The following LMBR1 variants were observed in gnomAD, a reference collection of about 807,000 sequenced individuals.
The protein encoded by LMBR1 is limb region 1 protein homolog.
A neutral mutation model predicts 73.9 loss-of-function variants in LMBR1; 52 were observed. The ratio of observed to expected loss-of-function variants is 0.70; its 90% CI spans 0.56 to 0.89. The LOEUF (loss-of-function observed/expected upper bound fraction) is 0.89. LMBR1 is among the 40% of genes least tolerant of loss of function. The probability of loss-of-function intolerance (pLI) is 0.00; values close to 1 mark genes in which losing one functional copy is unlikely to be tolerated. For missense variants in LMBR1, 539 were observed against 579.8 expected (o/e 0.93, Z 0.72); for synonymous variants, 215 against 209.4 (o/e 1.03, Z -0.23).
intron 1 of LMBR1, among the ~76,000 whole-genome samples, chr7:156,839,371 T>C (rs1207245423): frequency 1.3e-5 from 2 of 152,094 alleles, no homozygotes; most frequent in Non-Finnish European, 2.9e-5. Context: ...ATCAGGTTAA[T>C]TGTTTAATTT....
chr7:156,743,576 T>C (rs879786626), intron 9 of LMBR1, among the ~76,000 whole-genome samples: 4 of 152,204 alleles, frequency 2.6e-5, no homozygotes, highest in Admixed American at 2.0e-4. Context: ...CATCCTCAAG[T>C]TGACAGGAAG....
In LMBR1 at chr7:156,882,988, G is replaced by A. The variant is rs896848739; in HGVS notation, c.66+9940C>T. Reference sequence around the variant, plus strand: ...GGAGGTTGCAGTGAGCCGAGATCACGCTATTGCACTCTAGCCTGGGCAACA... The same window carrying A: ...GGAGGTTGCAGTGAGCCGAGATCACACTATTGCACTCTAGCCTGGGCAACA... On this transcript the variant is annotated intron_variant, in intron 1 of 16. Transcript: ENST00000353442. Among the ~76,000 whole-genome samples, 6 of 152,040 alleles carry A rather than the reference G, an allele frequency of 3.9e-5. No individual in the cohort carries two copies. In the South Asian group the frequency reaches 6.2e-4, roughly 16 times the overall value.
At chr7:156,745,774 C>T (rs1015952870) in intron 9 of LMBR1, among the ~76,000 whole-genome samples, 3 of 152,238 alleles carry the variant, frequency 2.0e-5, no homozygotes, top group Admixed American at 1.3e-4. Context: ...TCCTTGCTCA[C>T]TTCTGCCCAT....
At position 156,680,376 on chromosome 7, in the gene LMBR1, C is replaced by CAGAGAGAGAGACAGAGAGAGAG. The variant is rs1554456485; in HGVS notation, c.*3701_*3702insCTCTCTCTCTGTCTCTCTCTCT. 1 of 141,164 alleles carries CAGAGAGAGAGACAGAGAGAGAG rather than the reference C, an allele frequency of 7.1e-6. No homozygotes were observed. Among genetic ancestry groups the CAGAGAGAGAGACAGAGAGAGAG allele is most frequent in the African/African-American group, 2.8e-5 (1 of 35,320 alleles). The allele number at this position is 141,164 out of a possible 1,614,324, so 8.7% of individuals were successfully genotyped here. ...TTTTTGCTTATACGTATCTGAGAGA[C>CAGAGAGAGAGACAGAGAGAGAG]AGAGAGAGAGAGAGAGAGAGAGAGA... is the stretch of plus-strand genomic sequence containing the variant. On this transcript the variant is annotated 3_prime_UTR_variant, in exon 17 of 17. Coordinates refer to ENST00000353442, the MANE Select transcript of LMBR1 (RefSeq NM_022458.4).
At chr7:156,852,949 T>A (rs1047297217) in intron 1 of LMBR1, among the ~76,000 whole-genome samples, 1 of 152,056 alleles carries the variant, frequency 6.6e-6, no homozygotes, top group Non-Finnish European at 1.5e-5. Flanking sequence ...ATGCTTTTTT[T>A]TTTTTTTGAG....
downstream of LMBR1, chr7:156,676,243 GTGTATATATATA>G (rs1803978067): frequency 2.0e-6 from 3 of 1,490,890 alleles, no homozygotes; most frequent in East Asian, 2.5e-5. Flanking sequence ...GTATATGTGT[GTGTATATATATA>G]TGTATATATA....
chr7:156,859,248 CAA>C (rs35511512), intron 1 of LMBR1, among the ~76,000 whole-genome samples: 80 of 134,144 alleles, frequency 6.0e-4, no homozygotes, highest in Non-Finnish European at 6.5e-4. Context: ...AACTCCGTCT[CAA>C]AAAAAAAAAA....
intron 10 of LMBR1, 59 bp downstream of exon 10, chr7:156,734,118 A>C: frequency 1.9e-6 from 2 of 1,059,296 alleles, no homozygotes; most frequent in Non-Finnish European, 2.8e-6. Context: ...AGACTACAGT[A>C]AAGTCTTTAA....
chr7:156,765,195 C>T (rs1459402784), intron 5 of LMBR1, among the ~76,000 whole-genome samples: 2 of 152,128 alleles, frequency 1.3e-5, no homozygotes, highest in African/African-American at 4.8e-5. Flanking sequence ...TGCCTGTGTC[C>T]CCACCCAAAT....
At chr7:156,853,947 G>A (rs575631914) in intron 1 of LMBR1, among the ~76,000 whole-genome samples, 1 of 148,234 alleles carries the variant, frequency 6.7e-6, no homozygotes, top group East Asian at 2.0e-4. Flanking sequence ...GTGCCATCGT[G>A]CCTGGCCCAC....
At chr7:156,748,948 A>C (rs10251691) in intron 9 of LMBR1, among the ~76,000 whole-genome samples, 11,826 of 152,286 alleles carry the variant, frequency 0.078, 525 homozygotes, top group East Asian at 0.15. Context: ...ATCTTGCAAA[A>C]AAATAATTTC....
intron 1 of LMBR1, among the ~76,000 whole-genome samples, chr7:156,886,183 T>C (rs968113468): frequency 1.3e-5 from 2 of 152,136 alleles, no homozygotes; most frequent in African/African-American, 2.4e-5. Context: ...AAAAATAATT[T>C]TGTAAAGAGT....
intron 1 of LMBR1, among the ~76,000 whole-genome samples, chr7:156,863,115 T>C (rs968864597): frequency 1.3e-5 from 2 of 152,170 alleles, no homozygotes; most frequent in Non-Finnish European, 2.9e-5. Context: ...GATATATATA[T>C]GTATAGATAG....
At chr7:156,795,251 C>T (rs776241331) in intron 5 of LMBR1, among the ~76,000 whole-genome samples, 57 of 152,180 alleles carry the variant, frequency 3.7e-4, no homozygotes, top group Non-Finnish European at 6.8e-4. Context: ...ATCAAGATAT[C>T]CTTTCCTTTC....
intron 5 of LMBR1, among the ~76,000 whole-genome samples, chr7:156,769,785 G>A (rs990608847): frequency 3.9e-5 from 6 of 152,220 alleles, no homozygotes; most frequent in Non-Finnish European, 7.3e-5. Context: ...AGAACAGTGA[G>A]CGTGGGGAAT....
At position 156,761,931 on chromosome 7, in the gene LMBR1, C is replaced by T. The variant is rs574597128; in HGVS notation, c.684+203G>A. ...GGCGGAGCCTGCAGTGAGCCGAGAT[C>T]GCACCACTGCACTCCAGCCTGGGCG... On this transcript the variant is annotated intron_variant, in intron 8 of 16. Coordinates refer to ENST00000353442, the MANE Select transcript of LMBR1 (RefSeq NM_022458.4). Among the ~76,000 whole-genome samples the T allele has an allele frequency of 7.1e-3, 1,054 of 147,842 alleles. 12 individuals carry two copies. Among genetic ancestry groups the T allele is most frequent in the African/African-American group, 0.025 (991 of 39,724 alleles).
chr7:156,736,210 A>G (rs1817837163), intron 9 of LMBR1, among the ~76,000 whole-genome samples: 1 of 152,192 alleles, frequency 6.6e-6, no homozygotes, highest in African/African-American at 2.4e-5. Context: ...CTAACCGGGG[A>G]AATCCGCAAA....
downstream of LMBR1, chr7:156,675,781 T>C (rs73744315): frequency 8.7e-4 from 1,403 of 1,613,850 alleles, 14 homozygotes; most frequent in African/African-American, 0.016. Flanking sequence ...TGCTTGGCCA[T>C]AAATCGAAGT....
chr7:156,733,966 G>A (rs945187129), intron 10 of LMBR1: 2 of 371,930 alleles, frequency 5.4e-6, no homozygotes, highest in Middle Eastern at 7.3e-4. Flanking sequence ...CCTTTGAAAA[G>A]TCATTTTGTA....
Sources: gnomAD v4.1 joint callset for allele counts (sites outside exome capture counted in the v4.1 genomes callset) on GRCh38, gnomAD v4.1.1 for gene constraint, MANE v1.5 for transcripts, NCBI Gene and HGNC (gene_info 2026-07-23, HGNC 2026-07-21) for gene names.